The following FOXP1 variants were observed in gnomAD, a reference collection of about 807,000 sequenced individuals.
FOXP1 encodes forkhead box P1, also known as forkhead box protein P1.
A neutral mutation model predicts 98.2 loss-of-function variants in FOXP1; 15 were observed. That is an observed-to-expected ratio of 0.15 (90% CI 0.10 to 0.24). The LOEUF (loss-of-function observed/expected upper bound fraction) is 0.24, where lower values mean the gene tolerates loss of function less well. Ranked by LOEUF, FOXP1 falls within the 10% of genes least tolerant of loss-of-function variation. FOXP1 has a pLI of 1.00. For synonymous variants in FOXP1, 371 were observed against 314.5 expected (o/e 1.18, Z -1.90); for missense variants, 633 against 848.5 (o/e 0.75, Z 3.15).
At chr3:71,171,445 C>T (rs912292418) in intron 6 of FOXP1, among the ~76,000 whole-genome samples, 1 of 152,180 alleles carries the variant, frequency 6.6e-6, no homozygotes, top group Non-Finnish European at 1.5e-5. Context: ...AATGCAATCC[C>T]GTAAACAGGC....
At chr3:71,046,872 C>T (rs2049098313) in intron 10 of FOXP1, 70 bp downstream of exon 10, 1 of 1,541,868 alleles carries the variant, frequency 6.5e-7, no homozygotes, top group African/African-American at 1.4e-5. Flanking sequence ...AACAAATATA[C>T]CAAGAGACAA....
chr3:71,540,427 AG>A (rs1359572049), intron 2 of FOXP1, among the ~76,000 whole-genome samples: 4 of 152,258 alleles, frequency 2.6e-5, no homozygotes, highest in Non-Finnish European at 5.9e-5. Flanking sequence ...ACCAATCTAC[AG>A]GAGAAAAATG....
chr3:71,214,587 G>C (rs1247307084), intron 5 of FOXP1, among the ~76,000 whole-genome samples: 1 of 152,138 alleles, frequency 6.6e-6, no homozygotes, highest in Non-Finnish European at 1.5e-5. Context: ...GGACATCTTT[G>C]GGACAGGAAC....
chr3:71,112,550 G>T lies in FOXP1; in HGVS notation c.268C>A (p.Gln90Lys). Residue 90 changes from glutamine to lysine, a missense_variant, in exon 7 of 21, where the codon CAA becomes AAA. Physicochemically the swap from Gln to Lys is moderately conservative, Grantham distance 53. Transcript: ENST00000649528. ...GLKSPKRNDK[Q>K]PALQVPVSVA... ...AGAATTGTTACCTGAAGAGCTGGTT[G>T]TTTGTCATTCCTCTTGGGAGATTTT... The T allele has an allele frequency of 6.2e-7, 1 of 1,613,194 alleles. No homozygotes were observed. Among genetic ancestry groups the T allele is most frequent in the African/African-American group, 1.3e-5 (1 of 75,036 alleles).
chr3:71,411,400 C>T (rs905656790), intron 3 of FOXP1, among the ~76,000 whole-genome samples: 1 of 151,816 alleles, frequency 6.6e-6, no homozygotes, highest in African/African-American at 2.4e-5. Context: ...CTGCAAGCTC[C>T]GCCTCCCGGG....
At chr3:70,969,170 A>C (rs1318538479) in intron 19 of FOXP1, 19 of 148,730 alleles carry the variant, frequency 1.3e-4, no homozygotes, top group Admixed American at 1.3e-3. Context: ...ATGTGCTTGT[A>C]ATCTTAATAC....
chr3:71,198,852 C>T (rs145378532), intron 5 of FOXP1, among the ~76,000 whole-genome samples: 3,744 of 151,828 alleles, frequency 0.025, 165 homozygotes, highest in African/African-American at 0.086. Context: ...CCACCATGCC[C>T]GGCTAATTTT....
At chr3:71,165,918 A>C (rs2108177989) in intron 6 of FOXP1, among the ~76,000 whole-genome samples, 1 of 152,362 alleles carries the variant, frequency 6.6e-6, no homozygotes. Flanking sequence ...TAACAGAAGC[A>C]CCACGTTTGA....
chr3:71,433,808 C>T (rs2084954362), intron 3 of FOXP1, among the ~76,000 whole-genome samples: 1 of 152,128 alleles, frequency 6.6e-6, no homozygotes, highest in Non-Finnish European at 1.5e-5. Flanking sequence ...AATGTGAATG[C>T]CCTGGTCGGC....
At position 70,959,036 on chromosome 3, in the gene FOXP1, T is replaced by A; in HGVS notation, c.*211A>T. 1 of 562,934 alleles carries A rather than the reference T, an allele frequency of 1.8e-6. No individual in the cohort carries two copies. The highest frequency in any genetic ancestry group is 2.0e-5 in the South Asian group (1 of 48,996). The allele number at this position is 562,934 out of a possible 1,614,324, so 34.9% of individuals were successfully genotyped here. A position where few individuals can be genotyped will look rare whatever the true frequency, so the allele number is the denominator to read the frequency against. On this transcript the variant is annotated 3_prime_UTR_variant, in exon 21 of 21. Coordinates refer to ENST00000649528, the MANE Select transcript of FOXP1 (RefSeq NM_001349338.3). The stretch of plus-strand genomic sequence containing the variant: ...ATCCAATGCACAGAGTACAAATTCC[T>A]TTTTTCAACAAAAAGTAGAAAAATC...
intron 2 of FOXP1, among the ~76,000 whole-genome samples, chr3:71,549,775 T>C (rs1431662376): frequency 7.1e-6 from 1 of 141,240 alleles, no homozygotes; most frequent in African/African-American, 2.6e-5. Flanking sequence ...TAACATCAAA[T>C]CATCACATGA....
chr3:71,369,742 C>T (rs1439105102), intron 3 of FOXP1, among the ~76,000 whole-genome samples: 8 of 152,150 alleles, frequency 5.3e-5, no homozygotes, highest in Admixed American at 5.2e-4. Flanking sequence ...AAGAACCCGC[C>T]ACTATGTCTT....
At chr3:71,025,316 C>T (rs568556194) in intron 11 of FOXP1, among the ~76,000 whole-genome samples, 8 of 152,050 alleles carry the variant, frequency 5.3e-5, no homozygotes, top group East Asian at 1.9e-4. Flanking sequence ...AAATCCGATT[C>T]GGTGGTTCTG....
intron 4 of FOXP1, among the ~76,000 whole-genome samples, chr3:71,327,717 G>T (rs1460150209): frequency 6.6e-6 from 1 of 152,080 alleles, no homozygotes; most frequent in African/African-American, 2.4e-5. Context: ...CAGAGCAAAT[G>T]ACCTGCTGTA....
At chr3:71,261,164 T>A (rs1180336263) in intron 5 of FOXP1, among the ~76,000 whole-genome samples, 1 of 152,174 alleles carries the variant, frequency 6.6e-6, no homozygotes, top group Non-Finnish European at 1.5e-5. Context: ...TTTAAAGTAA[T>A]ACAGGCCTCT....
intron 13 of FOXP1, among the ~76,000 whole-genome samples, chr3:70,999,775 T>C (rs1181369765): frequency 6.6e-6 from 1 of 152,252 alleles, no homozygotes. Flanking sequence ...AAGCTGTAAA[T>C]GACTTAACTC....
At chr3:71,256,159 T>C (rs1357931432) in intron 5 of FOXP1, among the ~76,000 whole-genome samples, 1 of 152,174 alleles carries the variant, frequency 6.6e-6, no homozygotes, top group Non-Finnish European at 1.5e-5. Flanking sequence ...CTCATCAAAC[T>C]TGCTGTGATG....
chr3:71,508,134 T>C (rs562908666), intron 2 of FOXP1, among the ~76,000 whole-genome samples: 2 of 152,250 alleles, frequency 1.3e-5, no homozygotes, highest in Non-Finnish European at 2.9e-5. Context: ...CTTATTAGTA[T>C]ATTTATGGCT....
At chr3:71,349,909 A>C (rs185623511) in intron 4 of FOXP1, among the ~76,000 whole-genome samples, 11 of 152,328 alleles carry the variant, frequency 7.2e-5, no homozygotes, top group African/African-American at 2.6e-4. Context: ...CTGAGGTTCA[A>C]AATATTCCTT....
Sources: allele counts gnomAD v4.1 joint callset (sites outside exome capture counted in the v4.1 genomes callset), GRCh38; gene constraint gnomAD v4.1.1; transcripts MANE v1.5; gene names NCBI Gene and HGNC (gene_info 2026-07-23, HGNC 2026-07-21).